The following CNTN6 variants were observed in gnomAD, a reference collection of about 807,000 sequenced individuals.
CNTN6 encodes contactin 6, also known as contactin-6.
CNTN6 carries 137 observed loss-of-function variants against 122.8 expected under a neutral mutation model. The ratio of observed to expected loss-of-function variants is 1.12; its 90% confidence interval spans 0.97 to 1.29. The LOEUF is 1.29. Ranked by LOEUF, CNTN6 falls within the 50% of genes most tolerant of loss-of-function variation. The pLI is 0.00. For missense variants in CNTN6, 1,634 were observed against 1,223.4 expected, an observed-to-expected ratio of 1.34 and a Z score of -5.01; for synonymous variants, 570 against 426.0, an observed-to-expected ratio of 1.34 and a Z score of -4.16.
chr3:1,128,822 A>C (rs1022021477), intron 1 of CNTN6, among the ~76,000 whole-genome samples: 3 of 152,130 alleles, frequency 2.0e-5, no homozygotes, highest in Middle Eastern at 3.4e-3. Context: ...TAGCAACCCA[A>C]ACACATTTAA....
At chr3:1,386,347 C>T (rs529963880) in intron 20 of CNTN6, among the ~76,000 whole-genome samples, 2 of 151,972 alleles carry the variant, frequency 1.3e-5, no homozygotes, top group South Asian at 4.1e-4. Context: ...TTTAGGATAC[C>T]TTATTACTAC....
In CNTN6 at chr3:1,103,585, T is replaced by C. The variant is rs145667007; in HGVS notation, c.-83+10465T>C. Among the ~76,000 whole-genome samples, 385 of 152,290 alleles carry C rather than the reference T, an allele frequency of 2.5e-3. 4 individuals are homozygous for C. The highest frequency in any genetic ancestry group is 8.6e-3 in the African/African-American group (359 of 41,574). ...ATTTTGCAATAAACAGAAACAACTT[T>C]CTCATAGAAAAAGAGAGACTGGAGT... On this transcript the variant is annotated intron_variant, in intron 1 of 22. Coordinates refer to ENST00000446702, the MANE Select transcript of CNTN6 (RefSeq NM_001289080.2).
chr3:1,102,836 T>C (rs369935565), intron 1 of CNTN6, among the ~76,000 whole-genome samples: 1 of 140,974 alleles, frequency 7.1e-6, no homozygotes, highest in Non-Finnish European at 1.6e-5. Flanking sequence ...GGCCGGGAGC[T>C]GTGGCTCACG....
chr3:1,366,789 G>A (rs1708298941), intron 12 of CNTN6, among the ~76,000 whole-genome samples: 1 of 152,102 alleles, frequency 6.6e-6, no homozygotes, highest in Admixed American at 6.6e-5. Flanking sequence ...GGTGGGTGGA[G>A]AGGATACAGC....
At chr3:1,257,349 TG>T (rs2094776136) in intron 4 of CNTN6, among the ~76,000 whole-genome samples, 1 of 152,166 alleles carries the variant, frequency 6.6e-6, no homozygotes, top group Non-Finnish European at 1.5e-5. Context: ...GCAAAGAAAT[TG>T]TTTTGTAATT....
At chr3:1,098,902 A>T (rs1410291863) in intron 1 of CNTN6, among the ~76,000 whole-genome samples, 1 of 149,220 alleles carries the variant, frequency 6.7e-6, no homozygotes, top group African/African-American at 2.4e-5. Context: ...GCTAAATTTT[A>T]TTGGAGATTT....
intron 20 of CNTN6, among the ~76,000 whole-genome samples, chr3:1,399,274 G>A (rs1695373088): frequency 1.3e-5 from 2 of 152,074 alleles, no homozygotes; most frequent in Non-Finnish European, 2.9e-5. Context: ...TGAGAATTTT[G>A]ATATTATATC....
At chr3:1,184,525 G>C (rs9854953) in intron 2 of CNTN6, among the ~76,000 whole-genome samples, 3,075 of 152,116 alleles carry the variant, frequency 0.02, 108 homozygotes, top group African/African-American at 0.067. Context: ...ACTAAATTGT[G>C]GATATTTGTC....
chr3:1,305,164 G>A (rs1281977326), intron 7 of CNTN6, among the ~76,000 whole-genome samples: 1 of 152,068 alleles, frequency 6.6e-6, no homozygotes, highest in Non-Finnish European at 1.5e-5. Context: ...ACCTGATTAG[G>A]TAGCACTCAG....
At position 1,328,984 on chromosome 3, in the gene CNTN6, A is replaced by T. The variant is rs187861075; in HGVS notation, c.1214-801A>T. Reference sequence around the variant, plus strand: ...ATTTCAATAGTATTTTATTGCTAATAGCAATAAAATATTTCTGATTTATTT... The same window carrying T: ...ATTTCAATAGTATTTTATTGCTAATTGCAATAAAATATTTCTGATTTATTT... On this transcript the variant is annotated intron_variant, in intron 10 of 22. Transcript: ENST00000446702. Among the ~76,000 whole-genome samples the T allele has an allele frequency of 2.0e-5, 3 of 151,654 alleles. No homozygotes were observed. The Admixed American group carries it at 2.0e-4, about 10-fold the overall frequency.
At chr3:1,135,022 A>G (rs2092437004) in intron 1 of CNTN6, among the ~76,000 whole-genome samples, 1 of 152,076 alleles carries the variant, frequency 6.6e-6, no homozygotes, top group Admixed American at 6.5e-5. Flanking sequence ...TTGGACCCCC[A>G]TGCCCCATAG....
intron 2 of CNTN6, among the ~76,000 whole-genome samples, chr3:1,164,115 T>C (rs2093194780): frequency 6.6e-6 from 1 of 152,126 alleles, no homozygotes; most frequent in Non-Finnish European, 1.5e-5. Flanking sequence ...GCATGTAAGT[T>C]TGTCTGGTGA....
chr3:1,331,931 C>G (rs1449487745), intron 11 of CNTN6, among the ~76,000 whole-genome samples: 1 of 151,432 alleles, frequency 6.6e-6, no homozygotes, highest in African/African-American at 2.4e-5. Flanking sequence ...TTGTTTTGTC[C>G]CATACAGAAT....
intron 14 of CNTN6, 39 bp from the exon 15 acceptor site, chr3:1,373,565 G>A (rs1489641608): frequency 1.9e-6 from 3 of 1,588,564 alleles, no homozygotes; most frequent in African/African-American, 2.7e-5. Flanking sequence ...ATGAATGTAA[G>A]TATCTCCAAT....
At chr3:1,367,339 T>C (rs528508904) in intron 12 of CNTN6, among the ~76,000 whole-genome samples, 1 of 150,596 alleles carries the variant, frequency 6.6e-6, no homozygotes, top group South Asian at 2.2e-4. Context: ...ATAACCACCA[T>C]GCTACTCTTT....
chr3:1,288,597 T>G (rs193179803), intron 5 of CNTN6, among the ~76,000 whole-genome samples: 1 of 152,342 alleles, frequency 6.6e-6, no homozygotes, highest in East Asian at 1.9e-4. Flanking sequence ...TTTATTCTAC[T>G]CATTTATTTT....
chr3:1,395,693 A>T (rs897341120), intron 20 of CNTN6, among the ~76,000 whole-genome samples: 57 of 152,150 alleles, frequency 3.7e-4, no homozygotes, highest in Admixed American at 2.0e-3. Flanking sequence ...ATATAAAGTA[A>T]TGTGTCCACA....
At chr3:1,170,772 T>C (rs978228497) in intron 2 of CNTN6, among the ~76,000 whole-genome samples, 1 of 152,204 alleles carries the variant, frequency 6.6e-6, no homozygotes, top group Non-Finnish European at 1.5e-5. Flanking sequence ...TTTAAAAACA[T>C]GGGCTTTGAG....
intron 7 of CNTN6, 39 bp downstream of exon 7, chr3:1,298,030 T>C: frequency 6.8e-7 from 1 of 1,473,550 alleles, no homozygotes; most frequent in Non-Finnish European, 9.3e-7. Context: ...CCTGGTTGCA[T>C]TAATTTTTTT....
Sources: gnomAD v4.1 joint callset for allele counts (sites outside exome capture counted in the v4.1 genomes callset) on GRCh38, gnomAD v4.1.1 for gene constraint, MANE v1.5 for transcripts, NCBI Gene and HGNC (gene_info 2026-07-23, HGNC 2026-07-21) for gene names.